NUDCD1: variants seen among roughly 807,000 people sequenced by gnomAD.
NUDCD1 encodes nudC domain-containing protein 1.
A neutral mutation model predicts 67.8 loss-of-function variants in NUDCD1; 60 were observed. That is an observed-to-expected ratio of 0.88 (90% confidence interval 0.72 to 1.10). The LOEUF is 1.10. NUDCD1 is among the 50% of genes least tolerant of loss of function. NUDCD1 has a pLI of 0.00. For synonymous variants in NUDCD1, 244 were observed against 230.8 expected (o/e 1.06, Z -0.52); for missense variants, 643 against 695.0 (o/e 0.93, Z 0.84).
chr8:109,330,329 G>T (rs994655278), intron 1 of NUDCD1, among the ~76,000 whole-genome samples: 1 of 152,124 alleles, frequency 6.6e-6, no homozygotes, highest in African/African-American at 2.4e-5. Context: ...CTTGACACCA[G>T]AGACCACATC....
At chr8:109,296,826 T>C (rs1814854634) in intron 2 of NUDCD1, among the ~76,000 whole-genome samples, 4 of 152,184 alleles carry the variant, frequency 2.6e-5, no homozygotes, top group Non-Finnish European at 4.4e-5. Context: ...GATCACACAT[T>C]CTGAGGGTGG....
At chr8:109,272,210 GTAT>G (rs1814174720) in intron 7 of NUDCD1, among the ~76,000 whole-genome samples, 1 of 151,506 alleles carries the variant, frequency 6.6e-6, no homozygotes, top group African/African-American at 2.4e-5. Flanking sequence ...AAATAACAAG[GTAT>G]TATTAATTTT....
At chr8:109,284,735 T>C (rs1814534231) in intron 5 of NUDCD1, among the ~76,000 whole-genome samples, 1 of 151,406 alleles carries the variant, frequency 6.6e-6, no homozygotes, top group Non-Finnish European at 1.5e-5. Context: ...CTCAAATTAA[T>C]GATCTAATAT....
At chr8:109,245,531 C>A in intron 8 of NUDCD1, 50 bp from the exon 9 acceptor site, 1 of 1,419,850 alleles carries the variant, frequency 7.0e-7, no homozygotes, top group South Asian at 1.2e-5. Flanking sequence ...TTAATAATAG[C>A]AACAATAACA....
chr8:109,243,218 G>T lies in NUDCD1; in HGVS notation c.1543C>A (p.Arg515Ser). 1 of 1,613,424 alleles carries T rather than the reference G, an allele frequency of 6.2e-7. No individual in the cohort carries two copies. Among genetic ancestry groups the T allele is most frequent in the Non-Finnish European group, 8.5e-7 (1 of 1,179,516 alleles). Reference sequence around the variant, plus strand: ...GGCTGACGATAGATGAATACTCGACGAAGGCACTCACAAAGGGCTGCATAC... The same window carrying T: ...GGCTGACGATAGATGAATACTCGACTAAGGCACTCACAAAGGGCTGCATAC... ...YSYAALCECL[R>S]RVFIYRQPAP... Residue 515 changes from arginine to serine, a missense_variant, in exon 10 of 10, where the codon CGT (arginine) becomes AGT (serine). By Grantham distance (110) the Arg-to-Ser change is moderately radical. Transcript: ENST00000239690.
chr8:109,322,739 C>T (rs1012494600), intron 1 of NUDCD1, among the ~76,000 whole-genome samples: 1 of 152,008 alleles, frequency 6.6e-6, no homozygotes, highest in African/African-American at 2.4e-5. Flanking sequence ...CTCTTTTAGG[C>T]ACCTCTAATA....
intron 6 of NUDCD1, among the ~76,000 whole-genome samples, chr8:109,276,660 A>G (rs77832367): frequency 0.024 from 3,695 of 152,196 alleles, 140 homozygotes; most frequent in African/African-American, 0.084. Flanking sequence ...ATTTAGTTAC[A>G]TCTTTTCTTT....
intron 1 of NUDCD1, among the ~76,000 whole-genome samples, chr8:109,329,504 T>G (rs1434992449): frequency 6.6e-6 from 1 of 152,058 alleles, no homozygotes; most frequent in South Asian, 2.1e-4. Flanking sequence ...GCAACAAAGA[T>G]AGGATAATGT....
At chr8:109,255,662 T>A (rs1262754292) in intron 8 of NUDCD1, among the ~76,000 whole-genome samples, 27 of 92,758 alleles carry the variant, frequency 2.9e-4, no homozygotes, top group African/African-American at 5.7e-4. Flanking sequence ...TATCAGAAAA[T>A]AGAAAGTTCC....
chr8:109,322,370 T>A lies in NUDCD1; in HGVS notation c.212A>T (p.Tyr71Phe). The A allele has an allele frequency of 6.3e-7, 1 of 1,590,810 alleles. No individual in the cohort carries two copies. Residue 71 changes from tyrosine (Y) to phenylalanine (F), a missense_variant, in exon 2 of 10, where the codon TAT (tyrosine) becomes TTT (phenylalanine). Coordinates refer to ENST00000239690, the MANE Select transcript of NUDCD1 (RefSeq NM_032869.4). ...ATCAATATAGTAGACACTGTCTTGA[T>A]ACCATGAATCACAGTGCAGGTAATT... ...MYNYLHCDSW[Y>F]QDSVYYIDTL... is the part of the protein sequence containing the mutation.
intron 5 of NUDCD1, among the ~76,000 whole-genome samples, chr8:109,282,543 A>G (rs771025810): frequency 3.3e-5 from 5 of 152,202 alleles, no homozygotes; most frequent in Non-Finnish European, 7.3e-5. Flanking sequence ...GCACAAAAAT[A>G]TTATAAAAAT....
intron 8 of NUDCD1, among the ~76,000 whole-genome samples, chr8:109,256,253 A>G (rs1813735093): frequency 1.3e-5 from 2 of 152,214 alleles, no homozygotes; most frequent in African/African-American, 2.4e-5. Context: ...ATGGTGAAAA[A>G]TAAGATAATC....
At chr8:109,315,572 T>G (rs1042465193) in intron 2 of NUDCD1, 2 of 152,078 alleles carry the variant, frequency 1.3e-5, no homozygotes, top group African/African-American at 4.8e-5. Flanking sequence ...CATTTCCCCC[T>G]AAAGATCATT....
Position 109,289,800 on chromosome 8 carries a change from AC to A in NUDCD1, c.773del (p.Gly258ValfsTer30). The A allele has an allele frequency of 6.4e-7, 1 of 1,563,506 alleles. No individual in the cohort carries two copies. The highest frequency in any genetic ancestry group is 8.7e-7 in the Non-Finnish European group (1 of 1,144,688). ...CATCCATATTTTCTTCAAGATCTTG[AC>A]CAGCCTGAACAAATGTTAAAGACTT... ...SYKSLTFVQA[G>X]QDLEENMDED... On this transcript the variant is annotated frameshift_variant, in exon 5 of 10. Transcript: ENST00000239690. LOFTEE classifies it high-confidence loss of function.
At chr8:109,312,962 G>A (rs1156778361) in intron 2 of NUDCD1, among the ~76,000 whole-genome samples, 1 of 152,158 alleles carries the variant, frequency 6.6e-6, no homozygotes, top group Non-Finnish European at 1.5e-5. Context: ...ACTAATTATA[G>A]TGTGAGCCTC....
chr8:109,318,622 C>T (rs1815459768), intron 2 of NUDCD1, among the ~76,000 whole-genome samples: 1 of 152,160 alleles, frequency 6.6e-6, no homozygotes. Context: ...GATTGCATTC[C>T]TCTGATCCAA....
chr8:109,292,919 T>C (rs1007583230), intron 4 of NUDCD1, among the ~76,000 whole-genome samples: 1 of 152,104 alleles, frequency 6.6e-6, no homozygotes, highest in African/African-American at 2.4e-5. Context: ...ATCATACCTG[T>C]ACTTTAATGA....
intron 6 of NUDCD1, among the ~76,000 whole-genome samples, chr8:109,275,856 G>C (rs563390625): frequency 9.9e-5 from 15 of 152,156 alleles, no homozygotes; most frequent in Non-Finnish European, 1.8e-4. Flanking sequence ...GGGAATGGTC[G>C]GGGGTGTGGG....
At chr8:109,300,443 A>C (rs907886887) in intron 2 of NUDCD1, among the ~76,000 whole-genome samples, 2 of 152,220 alleles carry the variant, frequency 1.3e-5, no homozygotes, top group Admixed American at 6.5e-5. Flanking sequence ...CACTTACAGA[A>C]ATCCAAAATG....
Sources: gnomAD v4.1 joint callset for allele counts (sites outside exome capture counted in the v4.1 genomes callset) on GRCh38, gnomAD v4.1.1 for gene constraint, MANE v1.5 for transcripts, NCBI Gene and HGNC (gene_info 2026-07-23, HGNC 2026-07-21) for gene names.